The following CDK8 variants were observed in gnomAD, a reference collection of about 807,000 sequenced individuals.
CDK8 encodes cyclin dependent kinase 8, also known as cyclin-dependent kinase 8.
Under a neutral mutation model 71.5 loss-of-function variants are expected in CDK8, and 29 were observed. The observed-to-expected ratio is 0.41, with a 90% CI of 0.30 to 0.55. The LOEUF (loss-of-function observed/expected upper bound fraction) is 0.55, where lower values mean the gene tolerates loss of function less well. Ranked by LOEUF, CDK8 falls within the 20% of genes least tolerant of loss-of-function variation. The pLI, the probability that CDK8 is intolerant of heterozygous loss-of-function variation, is 0.37. For synonymous variants in CDK8, 161 were observed against 192.1 expected, an observed-to-expected ratio of 0.84 and a Z score of 1.34; for missense variants, 288 against 572.6, an observed-to-expected ratio of 0.50 and a Z score of 5.07.
intron 7 of CDK8, among the ~76,000 whole-genome samples, chr13:26,395,055 A>G (rs562624356): frequency 5.3e-5 from 8 of 152,352 alleles, no homozygotes; most frequent in African/African-American, 1.9e-4. Context: ...AAATTGGAGC[A>G]AGGAAAATAG....
intron 4 of CDK8, among the ~76,000 whole-genome samples, chr13:26,377,829 A>T (rs1428769846): frequency 6.6e-6 from 1 of 152,170 alleles, no homozygotes; most frequent in Non-Finnish European, 1.5e-5. Context: ...ATCTCATAGG[A>T]CTTTTGAAAT....
At chr13:26,382,646 G>A (rs898574438) in intron 4 of CDK8, among the ~76,000 whole-genome samples, 168 bp from the exon 5 acceptor site, 3 of 152,264 alleles carry the variant, frequency 2.0e-5, no homozygotes, top group South Asian at 2.1e-4. Context: ...TTTGCATACC[G>A]CTTTGCATAT....
Position 26,254,691 on chromosome 13 carries a change from A to T in CDK8, c.50A>T (p.Glu17Val). 2 of 1,612,720 alleles carry T rather than the reference A, an allele frequency of 1.2e-6. No individual in the cohort carries two copies. Residue 17 changes from glutamate (E) to valine (V), a missense_variant, in exon 1 of 13, where the codon GAG (glutamate) becomes GTG (valine). This residue lies in a region of CDK8 where 19 missense variants were observed against 24.4 expected (regional missense o/e 0.78). Transcript: ENST00000381527. The surrounding 1 kb of genome is among the most constrained non-coding windows in gnomAD (Gnocchi z 6.7). ...VKLSSERERVEDLFEYEGCKV... is the reference protein window; with the variant it reads ...VKLSSERERVVDLFEYEGCKV... The stretch of plus-strand genomic sequence containing the variant: ...CTGAGCAGCGAGCGGGAGCGGGTCG[A>T]GGACCTGTTTGAATACGAGGGCTGC...
intron 1 of CDK8, among the ~76,000 whole-genome samples, chr13:26,331,812 A>G (rs772794576): frequency 4.6e-5 from 7 of 152,044 alleles, no homozygotes; most frequent in Non-Finnish European, 8.8e-5. Flanking sequence ...TTGGTTCCAT[A>G]CAAATTTTAG....
intron 1 of CDK8, among the ~76,000 whole-genome samples, chr13:26,292,694 A>G (rs1250950801): frequency 6.6e-6 from 1 of 152,192 alleles, no homozygotes; most frequent in Non-Finnish European, 1.5e-5. Context: ...AAGAATGCAT[A>G]TTGGGGCAAA....
chr13:26,254,589 ACCCCTGC>A lies in CDK8; in HGVS notation c.-48_-42del. 5 of 702,974 alleles carry A rather than the reference ACCCCTGC, an allele frequency of 7.1e-6. No homozygotes were observed. The highest frequency in any genetic ancestry group is 1.8e-5 in the South Asian group (1 of 54,988). The allele number at this position is 702,974 out of a possible 1,614,324, so 43.5% of individuals were successfully genotyped here. A position where few individuals can be genotyped will look rare whatever the true frequency, so the allele number is the denominator to read the frequency against. ...GGCTGCCCGTGCTTCCCCGGTCCCC[ACCCCTGC>A]CCCCCGGCCCCCCGACCCAGCTCTC... On this transcript the variant is annotated 5_prime_UTR_variant, in exon 1 of 13. Coordinates refer to ENST00000381527, the MANE Select transcript of CDK8 (RefSeq NM_001260.3). This position sits in a 1 kb window ranked among gnomAD's most constrained non-coding sequence, Gnocchi z 6.7.
In CDK8 at chr13:26,385,318, G is replaced by C. The variant is rs1336138421; in HGVS notation, c.622G>C (p.Ala208Pro). 1 of 1,612,738 alleles carries C rather than the reference G, an allele frequency of 6.2e-7. No homozygotes were observed. The highest frequency in any genetic ancestry group is 8.5e-7 in the Non-Finnish European group (1 of 1,179,482). The change falls in exon 6 of 13, where the codon GCA becomes CCA. Residue 208 changes from alanine to proline, a missense_variant. Ala to Pro is a conservative substitution (Grantham distance 27). This residue lies in a region of CDK8 where 96 missense variants were observed against 229.8 expected (regional missense o/e 0.42). Coordinates refer to ENST00000381527, the MANE Select transcript of CDK8 (RefSeq NM_001260.3). ...CCGAGCCCCTGAACTACTTCTTGGA[G>C]CAAGGCATTATACCAAAGCTATTGG... Reference protein sequence around the residue: ...WYRAPELLLGARHYTKAIDIW... With the variant: ...WYRAPELLLGPRHYTKAIDIW...
At position 26,404,540 on chromosome 13, in the gene CDK8, C is replaced by T. The variant is rs1277227358; in HGVS notation, c.*459C>T. The T allele has an allele frequency of 8.6e-6, 2 of 232,676 alleles. No homozygotes were observed. The highest frequency in any genetic ancestry group is 2.2e-5 in the African/African-American group (1 of 45,258). 14.4% of individuals were successfully genotyped at this position (232,676 alleles called of 1,614,324 possible). On this transcript the variant is annotated 3_prime_UTR_variant, in exon 13 of 13. Transcript: ENST00000381527. ...ATATGTTAACGAAATAACCAAGACT[C>T]GAAATGAGATTATTTTGGTACACCT...
chr13:26,301,609 C>T (rs1427777454), intron 1 of CDK8, among the ~76,000 whole-genome samples: 4 of 152,204 alleles, frequency 2.6e-5, no homozygotes, highest in South Asian at 2.1e-4. Context: ...TTAAAGTTGA[C>T]GTTAGAGCAT....
chr13:26,313,241 A>T (rs1593256736), intron 1 of CDK8, among the ~76,000 whole-genome samples: 1 of 152,080 alleles, frequency 6.6e-6, no homozygotes, highest in East Asian at 1.9e-4. Context: ...CACATTATAG[A>T]TGTGTATATG....
chr13:26,261,166 G>A (rs537966185), intron 1 of CDK8, among the ~76,000 whole-genome samples: 1 of 152,266 alleles, frequency 6.6e-6, no homozygotes, highest in South Asian at 2.1e-4. Flanking sequence ...TTGGTATCAT[G>A]ATTCTGAATA....
At chr13:26,282,043 C>G (rs1213818655) in intron 1 of CDK8, among the ~76,000 whole-genome samples, 2 of 151,608 alleles carry the variant, frequency 1.3e-5, no homozygotes, top group Non-Finnish European at 2.9e-5. Context: ...AAAAAAAGAA[C>G]AAAGCCTCCA....
intron 2 of CDK8, among the ~76,000 whole-genome samples, chr13:26,343,513 C>G (rs1873330307): frequency 6.6e-6 from 1 of 152,072 alleles, no homozygotes; most frequent in Non-Finnish European, 1.5e-5. Context: ...ATGGATTCGC[C>G]CCAAATTCTT....
chr13:26,289,565 T>G (rs996431876), intron 1 of CDK8, among the ~76,000 whole-genome samples: 3 of 152,156 alleles, frequency 2.0e-5, no homozygotes, highest in African/African-American at 7.2e-5. Context: ...TTTGTTTGTT[T>G]TTTGAGACTG....
chr13:26,275,625 A>AT (rs1362106483), intron 1 of CDK8, among the ~76,000 whole-genome samples: 1 of 152,176 alleles, frequency 6.6e-6, no homozygotes, highest in Non-Finnish European at 1.5e-5. Context: ...CCCTGTGCAT[A>AT]TTTTTTAACT....
intron 4 of CDK8, among the ~76,000 whole-genome samples, chr13:26,360,893 T>C (rs151238529): frequency 2.4e-4 from 36 of 152,312 alleles, no homozygotes; most frequent in African/African-American, 8.7e-4. Flanking sequence ...TCCGTCTGCA[T>C]TTTAAATCCT....
At chr13:26,380,927 CTATA>C (rs1445998046) in intron 4 of CDK8, among the ~76,000 whole-genome samples, 1 of 152,128 alleles carries the variant, frequency 6.6e-6, no homozygotes, top group Non-Finnish European at 1.5e-5. Flanking sequence ...TAATCACAAT[CTATA>C]TATCATTTTG....
chr13:26,404,219 C>T lies in CDK8; in HGVS notation c.*138C>T, dbSNP rs548621768. On this transcript the variant is annotated 3_prime_UTR_variant, in exon 13 of 13. Coordinates refer to ENST00000381527, the MANE Select transcript of CDK8 (RefSeq NM_001260.3). ...AAAATGTCCAGTAGCCAAGTTCCAC[C>T]ACTTTTCACAGATTGGGGTAGTGGC... The T allele has an allele frequency of 8.1e-5, 79 of 981,046 alleles. 1 individual carries two copies. The South Asian group carries it at 1.3e-3, about 16-fold the overall frequency. 60.8% of individuals were successfully genotyped at this position (981,046 alleles called of 1,614,324 possible).
chr13:26,300,726 GGA>G (rs1157435524), intron 1 of CDK8, among the ~76,000 whole-genome samples: 1 of 152,136 alleles, frequency 6.6e-6, no homozygotes, highest in African/African-American at 2.4e-5. Context: ...TTGAAAAATT[GGA>G]GAGTGTCTCA....
Sources: gnomAD v4.1 joint callset for allele counts (sites outside exome capture counted in the v4.1 genomes callset) on GRCh38, gnomAD v4.1.1 for gene constraint, gnomAD v4.1.1 regional missense constraint, Gnocchi (gnomAD v3.1) non-coding constraint, MANE v1.5 for transcripts, NCBI Gene and HGNC (gene_info 2026-07-23, HGNC 2026-07-21) for gene names.